Variants in XPO1 observed in about 807,000 individuals in gnomAD.
XPO1 encodes exportin 1.
In XPO1, 5 loss-of-function variants were observed where a neutral mutation model predicts 133.3. That is an observed-to-expected ratio of 0.04 (90% CI 0.02 to 0.08). XPO1 has a LOEUF of 0.08. Among genes scored for constraint, XPO1 ranks in the 10% least tolerant of loss-of-function variants. The pLI is 1.00. For synonymous variants in XPO1, 419 were observed against 408.2 expected (o/e 1.03, Z -0.32); for missense variants, 506 against 1,267.5 (o/e 0.40, Z 9.12).
At chr2:61,526,564 C>A in intron 2 of XPO1, 43 bp from the exon 3 acceptor site, 1 of 1,418,776 alleles carries the variant, frequency 7.0e-7, no homozygotes, top group Non-Finnish European at 9.4e-7. Context: ...CTAATGTATT[C>A]TTTTGAATCA....
chr2:61,491,602 GAAAATTT>G (rs1323773631), intron 16 of XPO1, among the ~76,000 whole-genome samples: 1 of 150,102 alleles, frequency 6.7e-6, no homozygotes, highest in East Asian at 2.0e-4. Flanking sequence ...GTCTCACTAT[GAAAATTT>G]AACCAGGCTG....
intron 4 of XPO1, among the ~76,000 whole-genome samples, chr2:61,510,599 T>C (rs1297504461): frequency 6.6e-6 from 1 of 152,130 alleles, no homozygotes; most frequent in Non-Finnish European, 1.5e-5. Flanking sequence ...TCTAAAAGAT[T>C]AAAATTTTAT....
intron 6 of XPO1, among the ~76,000 whole-genome samples, chr2:61,501,042 C>G (rs1313548875): frequency 6.6e-6 from 1 of 152,096 alleles, no homozygotes; most frequent in Admixed American, 6.6e-5. Flanking sequence ...ATGGCACACA[C>G]AAGGGATTTT....
In XPO1 at chr2:61,507,502, C is replaced by A. The variant is rs955605257; in HGVS notation, c.302-5192G>T. ...AGAATTCTACCCATCACCCAGGAGA[C>A]TGAAGTTACAACGAGCTATGATTGT... On this transcript the variant is annotated intron_variant, in intron 4 of 24. Coordinates refer to ENST00000401558, the MANE Select transcript of XPO1 (RefSeq NM_003400.4). Among the ~76,000 whole-genome samples, 6 of 152,064 alleles carry A rather than the reference C, an allele frequency of 3.9e-5. No homozygotes were observed. In the East Asian group the frequency reaches 1.2e-3, roughly 29 times the overall value.
At chr2:61,501,572 A>T (rs1348827784) in intron 6 of XPO1, among the ~76,000 whole-genome samples, 1 of 151,970 alleles carries the variant, frequency 6.6e-6, no homozygotes, top group Non-Finnish European at 1.5e-5. Flanking sequence ...AAATACAAAA[A>T]ATTAGCCAAA....
At chr2:61,527,314 G>A (rs919964136) in intron 2 of XPO1, among the ~76,000 whole-genome samples, 1 of 118,874 alleles carries the variant, frequency 8.4e-6, no homozygotes, top group African/African-American at 3.2e-5. Flanking sequence ...ACGAGGCCAT[G>A]ACTCTCCAAA....
chr2:61,502,646 G>T (rs936453351), intron 4 of XPO1: 1 of 206,572 alleles, frequency 4.8e-6, no homozygotes, highest in African/African-American at 2.4e-5. Flanking sequence ...CCAGCTACTC[G>T]GGAGGCTGAG....
chr2:61,525,582 A>T (rs1304377535), intron 3 of XPO1: 1 of 1,016,668 alleles, frequency 9.8e-7, no homozygotes, highest in Non-Finnish European at 1.2e-6. Context: ...CAACTTAAAC[A>T]TTAGTAATGT....
At chr2:61,494,963 T>C (rs1414036318) in intron 11 of XPO1, among the ~76,000 whole-genome samples, 1 of 151,868 alleles carries the variant, frequency 6.6e-6, no homozygotes, top group Non-Finnish European at 1.5e-5. Context: ...TGCTTCAGCC[T>C]CCTGAGGAGC....
chr2:61,482,788 A>T, intron 22 of XPO1, 169 bp downstream of exon 22: 1 of 844,548 alleles, frequency 1.2e-6, no homozygotes, highest in Non-Finnish European at 1.8e-6. Flanking sequence ...TGTATCTTTT[A>T]TTTTTTTATG....
intron 5 of XPO1, 104 bp downstream of exon 5, chr2:61,502,145 T>C: frequency 4.0e-6 from 6 of 1,494,388 alleles, no homozygotes; most frequent in Non-Finnish European, 5.5e-6. Flanking sequence ...AATGACTGAC[T>C]GTGCATATGT....
At chr2:61,483,420 CAT>C (rs534315462) in intron 21 of XPO1, 284 of 235,204 alleles carry the variant, frequency 1.2e-3, no homozygotes, top group Non-Finnish European at 1.9e-3. Context: ...AGTTCATACA[CAT>C]GAGGGATAAG....
intron 4 of XPO1, among the ~76,000 whole-genome samples, chr2:61,520,106 C>A (rs1005691085): frequency 3.3e-5 from 5 of 152,026 alleles, no homozygotes; most frequent in African/African-American, 1.2e-4. Flanking sequence ...ACAATATGCA[C>A]CCCAGGTGAA....
chr2:61,516,049 C>G (rs1295120818), intron 4 of XPO1, among the ~76,000 whole-genome samples: 1 of 151,024 alleles, frequency 6.6e-6, no homozygotes. Flanking sequence ...TGGTGTGAAC[C>G]CAGGAGGCTG....
At chr2:61,479,901 G>A (rs1696253730) in intron 24 of XPO1, among the ~76,000 whole-genome samples, 1 of 151,612 alleles carries the variant, frequency 6.6e-6, no homozygotes, top group South Asian at 2.1e-4. Context: ...GTCTTGCTCT[G>A]TCGCCCAGGC....
intron 23 of XPO1, 53 bp from the exon 24 acceptor site, chr2:61,481,334 G>T: frequency 1.4e-6 from 2 of 1,416,556 alleles, no homozygotes; most frequent in South Asian, 1.3e-5. Context: ...CCCCGAGACA[G>T]AGTATTGCTC....
rs1276924675 is a variant in XPO1 at position 61,537,749 on chromosome 2, C to G, written c.-194G>C. 1.2e-5 allele frequency: 1 copy of G among 86,952 alleles called. No homozygotes were observed. Among genetic ancestry groups the G allele is most frequent in the East Asian group, 3.3e-4 (1 of 3,014 alleles). 5.4% of individuals were successfully genotyped at this position (86,952 alleles called of 1,614,324 possible). On this transcript the variant is annotated 5_prime_UTR_variant, in exon 1 of 25. Coordinates refer to ENST00000401558, the MANE Select transcript of XPO1 (RefSeq NM_003400.4). ...TATTTACTATTTCAGGGACGCTTCC[C>G]CCAACACACACACACACACACACAC... is the stretch of plus-strand genomic sequence containing the variant.
At position 61,481,052 on chromosome 2, in the gene XPO1, A is replaced by T; in HGVS notation, c.3069+133T>A. 3.9e-6 allele frequency: 2 copies of T among 519,028 alleles called. 1 individual carries two copies. The highest frequency in any genetic ancestry group is 6.6e-5 in the South Asian group (2 of 30,366). 32.2% of individuals were successfully genotyped at this position (519,028 alleles called of 1,614,324 possible). A position where few individuals can be genotyped will look rare whatever the true frequency, so the allele number is the denominator to read the frequency against. On this transcript the variant is annotated intron_variant, in intron 24 of 24. Coordinates refer to ENST00000401558, the MANE Select transcript of XPO1 (RefSeq NM_003400.4). Reference sequence around the variant, plus strand: ...CCAGTCTCAGGTTTTTTGATTACAGAGATTGTGTAAACGTATTATCTTGAA... The same window carrying T: ...CCAGTCTCAGGTTTTTTGATTACAGTGATTGTGTAAACGTATTATCTTGAA...
chr2:61,531,705 T>C (rs187037090), intron 2 of XPO1, among the ~76,000 whole-genome samples: 11 of 152,346 alleles, frequency 7.2e-5, no homozygotes, highest in Admixed American at 3.3e-4. Context: ...CTTACTTTCA[T>C]AGCTTCCTCC....
Sources: allele counts gnomAD v4.1 joint callset (sites outside exome capture counted in the v4.1 genomes callset), GRCh38; gene constraint gnomAD v4.1.1; transcripts MANE v1.5; gene names NCBI Gene and HGNC (gene_info 2026-07-23, HGNC 2026-07-21).